Variants in MACROD2 observed in about 807,000 individuals in gnomAD.
The protein encoded by MACROD2 is ADP-ribose glycohydrolase MACROD2.
In MACROD2, 36 loss-of-function variants were observed where a neutral mutation model predicts 70.4. The observed-to-expected ratio is 0.51, with a 90% confidence interval of 0.39 to 0.68. MACROD2 has a LOEUF of 0.68. MACROD2 is among the 30% of genes least tolerant of loss of function. The pLI is 0.00. For synonymous variants in MACROD2, 172 were observed against 178.8 expected (o/e 0.96, Z 0.30); for missense variants, 496 against 538.4 (o/e 0.92, Z 0.78).
At chr20:14,841,321 A>AC (rs2073084717) in intron 5 of MACROD2, among the ~76,000 whole-genome samples, 1 of 152,182 alleles carries the variant, frequency 6.6e-6, no homozygotes, top group Non-Finnish European at 1.5e-5. Context: ...ATTAATGTAG[A>AC]TTGAGTGAAT....
At chr20:14,990,577 G>T (rs573168255) in intron 5 of MACROD2, among the ~76,000 whole-genome samples, 1 of 148,004 alleles carries the variant, frequency 6.8e-6, no homozygotes, top group South Asian at 2.1e-4. Context: ...GCAATGGCGC[G>T]ATCTCGACTC....
Position 15,519,067 on chromosome 20 carries a change from CTT to C in MACROD2, c.645+19221_645+19222del, listed in dbSNP as rs2047610022. 2.7e-5 allele frequency among the ~76,000 whole-genome samples: 3 copies of C among 109,574 alleles called. No homozygotes were observed. The South Asian group carries it at 9.0e-4, about 33-fold the overall frequency. The allele number at this position is 109,574 out of a possible 152,430, so 71.9% of individuals were successfully genotyped here. ...TGTTAACTCGCTCTTTCCTTCCTTC[CTT>C]CCTTCCTTCCTTCCTTCCTTCCTTC... is the stretch of plus-strand genomic sequence containing the variant. On this transcript the variant is annotated intron_variant, in intron 8 of 17. Transcript: ENST00000684519.
intron 5 of MACROD2, among the ~76,000 whole-genome samples, chr20:14,769,864 G>A (rs1319282934): frequency 6.6e-6 from 1 of 151,950 alleles, no homozygotes; most frequent in African/African-American, 2.4e-5. Flanking sequence ...GCTACAAGAA[G>A]CAATCAGCAT....
chr20:15,833,380 C>T lies in MACROD2; in HGVS notation c.646-29365C>T, dbSNP rs568960815. Reference sequence around the variant, plus strand: ...CTTCATTAATGCTTAAGGCTTTAAACCGCTGCCCTTGTTTAACACATGACA... The same window carrying T: ...CTTCATTAATGCTTAAGGCTTTAAATCGCTGCCCTTGTTTAACACATGACA... On this transcript the variant is annotated intron_variant, in intron 8 of 17. Coordinates refer to ENST00000684519, the MANE Select transcript of MACROD2 (RefSeq NM_001351661.2). Among the ~76,000 whole-genome samples, 106 of 152,276 alleles carry T rather than the reference C, an allele frequency of 7.0e-4. 2 individuals carry two copies. The South Asian group carries it at 0.017, about 24-fold the overall frequency.
At chr20:15,300,396 G>A (rs1474678084) in intron 6 of MACROD2, among the ~76,000 whole-genome samples, 1 of 152,082 alleles carries the variant, frequency 6.6e-6, no homozygotes, top group Non-Finnish European at 1.5e-5. Flanking sequence ...GCCTGGGTTT[G>A]GGGATTTTTA....
At chr20:14,210,364 C>T (rs73264817) in intron 3 of MACROD2, among the ~76,000 whole-genome samples, 6 of 152,256 alleles carry the variant, frequency 3.9e-5, no homozygotes, top group Admixed American at 1.3e-4. Context: ...GAACCTATGT[C>T]GGCACCCAAG....
chr20:14,252,162 T>C (rs1282965929), intron 3 of MACROD2, among the ~76,000 whole-genome samples: 2 of 152,006 alleles, frequency 1.3e-5, no homozygotes, highest in Non-Finnish European at 2.9e-5. Context: ...TCTAGAGAGC[T>C]AAATACAGAA....
In MACROD2 at chr20:14,967,873, C is replaced by T. The variant is rs188992754; in HGVS notation, c.419-262067C>T. On this transcript the variant is annotated intron_variant, in intron 5 of 17. Transcript: ENST00000684519. ...TCCAATAAATTTTATATAACCTACC[C>T]GATAGTGTTGTTACCAGGATAAGGA... 7.9e-5 allele frequency among the ~76,000 whole-genome samples: 12 copies of T among 152,134 alleles called. No homozygotes were observed. The East Asian group carries it at 1.2e-3, about 15-fold the overall frequency.
At chr20:14,238,510 C>G (rs1270500647) in intron 3 of MACROD2, among the ~76,000 whole-genome samples, 2 of 152,116 alleles carry the variant, frequency 1.3e-5, no homozygotes, top group Non-Finnish European at 2.9e-5. Flanking sequence ...ACAAGGATGC[C>G]CATTCTCACC....
rs542318715 is a variant in MACROD2 at position 15,889,868 on chromosome 20, G to A, written c.775+4057G>A. Reference sequence around the variant, plus strand: ...AGGTTTCCACCCTCTGCCAGACACAGGGCAAGCTAGAAAACATGATACATT... The same window carrying A: ...AGGTTTCCACCCTCTGCCAGACACAAGGCAAGCTAGAAAACATGATACATT... On this transcript the variant is annotated intron_variant, in intron 10 of 17. Transcript: ENST00000684519. 2.1e-3 allele frequency among the ~76,000 whole-genome samples: 322 copies of A among 152,212 alleles called. 1 individual carries two copies. Among genetic ancestry groups the A allele is most frequent in the African/African-American group, 7.5e-3 (312 of 41,534 alleles).
intron 8 of MACROD2, among the ~76,000 whole-genome samples, chr20:15,684,286 G>T (rs1279812193): frequency 2.6e-5 from 4 of 152,104 alleles, no homozygotes; most frequent in Non-Finnish European, 4.4e-5. Context: ...GGATCAGCCG[G>T]GTCTAGAGAA....
chr20:15,799,293 G>C (rs1238508384), intron 8 of MACROD2, among the ~76,000 whole-genome samples: 3 of 152,044 alleles, frequency 2.0e-5, no homozygotes, highest in Admixed American at 1.3e-4. Context: ...TATTTGTGTT[G>C]GGAACATTTC....
intron 6 of MACROD2, among the ~76,000 whole-genome samples, chr20:15,404,090 A>G (rs561134739): frequency 7.9e-5 from 12 of 152,300 alleles, no homozygotes; most frequent in Admixed American, 1.3e-4. Context: ...CTACAATACA[A>G]TATTTCCATC....
At chr20:15,640,960 T>C (rs1051407971) in intron 8 of MACROD2, among the ~76,000 whole-genome samples, 1 of 152,230 alleles carries the variant, frequency 6.6e-6, no homozygotes, top group East Asian at 1.9e-4. Flanking sequence ...TTTCACTGTC[T>C]CACATTCCAG....
intron 5 of MACROD2, among the ~76,000 whole-genome samples, chr20:15,106,064 G>T (rs2075908558): frequency 6.6e-6 from 1 of 152,020 alleles, no homozygotes; most frequent in African/African-American, 2.4e-5. Context: ...TTATAACACT[G>T]CTTTGCACCC....
intron 6 of MACROD2, among the ~76,000 whole-genome samples, chr20:15,242,210 C>G (rs191217628): frequency 6.6e-6 from 1 of 152,098 alleles, no homozygotes; most frequent in Non-Finnish European, 1.5e-5. Flanking sequence ...AAACTATAGG[C>G]GGACCTCCAA....
At chr20:14,274,173 C>A (rs6042639) in intron 3 of MACROD2, among the ~76,000 whole-genome samples, 94,892 of 151,968 alleles carry the variant, frequency 0.62, 31,258 homozygotes, top group Non-Finnish European at 0.74. Context: ...GATACCAAAG[C>A]TGGGCAGAGA....
chr20:15,658,692 T>G (rs377636920), intron 8 of MACROD2, among the ~76,000 whole-genome samples: 1 of 152,220 alleles, frequency 6.6e-6, no homozygotes. Context: ...TTACATGATC[T>G]GATTTCCAAA....
intron 7 of MACROD2, among the ~76,000 whole-genome samples, chr20:15,434,390 T>G (rs1445195590): frequency 1.3e-5 from 2 of 151,090 alleles, no homozygotes; most frequent in African/African-American, 4.9e-5. Context: ...AAAGAAGATA[T>G]GCAAGCAGCC....
Sources: gnomAD v4.1 joint callset for allele counts (sites outside exome capture counted in the v4.1 genomes callset) on GRCh38, gnomAD v4.1.1 for gene constraint, MANE v1.5 for transcripts, NCBI Gene and HGNC (gene_info 2026-07-23, HGNC 2026-07-21) for gene names.